Variants in GRM5 observed in about 807,000 individuals in gnomAD.
The protein encoded by GRM5 is metabotropic glutamate receptor 5.
In GRM5, 19 loss-of-function variants were observed where a neutral mutation model predicts 83.1. The observed-to-expected ratio is 0.23, with a 90% CI of 0.16 to 0.34. The LOEUF (loss-of-function observed/expected upper bound fraction) is 0.34. GRM5 is among the 10% of genes least tolerant of loss of function. The pLI, the probability that GRM5 is intolerant of heterozygous loss-of-function variation, is 1.00. For synonymous variants in GRM5, 675 were observed against 633.6 expected, an observed-to-expected ratio of 1.07 and a Z score of -0.98; for missense variants, 1,160 against 1,588.3, an observed-to-expected ratio of 0.73 and a Z score of 4.58.
chr11:88,784,119 C>T (rs942859155), intron 3 of GRM5, among the ~76,000 whole-genome samples: 1 of 151,976 alleles, frequency 6.6e-6, no homozygotes, highest in Non-Finnish European at 1.5e-5. Context: ...CATATTCTGT[C>T]CTCTAGGAAA....
rs200169167 is a variant in GRM5, at chr11:88,874,876, TA to T, written c.662-24722del. The stretch of plus-strand genomic sequence containing the variant: ...ATGAAGTGTGCTATAACATTAGGTT[TA>T]AAAAATGGACATACTTTAATTTTAA... On this transcript the variant is annotated intron_variant, in intron 2 of 9. Transcript: ENST00000305447. Among the ~76,000 whole-genome samples the T allele has an allele frequency of 4.5e-3, 680 of 152,028 alleles. 3 individuals are homozygous for T. Among genetic ancestry groups the T allele is most frequent in the African/African-American group, 0.016 (651 of 41,516 alleles).
intron 3 of GRM5, among the ~76,000 whole-genome samples, chr11:88,790,461 A>G (rs1943151925): frequency 6.6e-6 from 1 of 152,210 alleles, no homozygotes; most frequent in South Asian, 2.1e-4. Flanking sequence ...TTTGGCTGGA[A>G]ATATTTGTTC....
At chr11:88,514,099 T>A (rs1941458844) in intron 9 of GRM5, among the ~76,000 whole-genome samples, 1 of 152,128 alleles carries the variant, frequency 6.6e-6, no homozygotes, top group Non-Finnish European at 1.5e-5. Context: ...AGGGACAAGA[T>A]GAAATGATCT....
intron 1 of GRM5, among the ~76,000 whole-genome samples, chr11:89,055,216 G>T (rs1214023801): frequency 6.6e-6 from 1 of 152,202 alleles, no homozygotes; most frequent in African/African-American, 2.4e-5. Flanking sequence ...ACCTGAATTG[G>T]AATCCTGGCA....
chr11:88,642,641 T>A (rs1939326862), intron 4 of GRM5, among the ~76,000 whole-genome samples: 1 of 152,198 alleles, frequency 6.6e-6, no homozygotes, highest in South Asian at 2.1e-4. Context: ...TGAGGCTACA[T>A]CTTGAACACT....
chr11:88,686,741 C>T lies in GRM5; in HGVS notation c.912-33338G>A, dbSNP rs567362041. On this transcript the variant is annotated intron_variant, in intron 3 of 9. Coordinates refer to ENST00000305447, the MANE Select transcript of GRM5 (RefSeq NM_001143831.3). ...GGGGTTTCCGCTTTTGCATCTTCCT[C>T]ATTTTCTCTTGTGGCTGCCATGTAA... Among the ~76,000 whole-genome samples, 8 of 152,232 alleles carry T rather than the reference C, an allele frequency of 5.3e-5. No individual in the cohort carries two copies. In the East Asian group the frequency reaches 1.4e-3, roughly 26 times the overall value.
chr11:88,803,890 C>G (rs1481593223), intron 3 of GRM5, among the ~76,000 whole-genome samples: 2 of 152,158 alleles, frequency 1.3e-5, no homozygotes, highest in Admixed American at 6.5e-5. Flanking sequence ...TGAACAGATA[C>G]TTCTCAAAAG....
At chr11:88,721,508 C>T (rs963564887) in intron 3 of GRM5, among the ~76,000 whole-genome samples, 1 of 152,112 alleles carries the variant, frequency 6.6e-6, no homozygotes, top group African/African-American at 2.4e-5. Context: ...TCTAATATTA[C>T]AGTTTATAGC....
chr11:88,700,185 G>A (rs1940996031), intron 3 of GRM5, among the ~76,000 whole-genome samples: 1 of 152,146 alleles, frequency 6.6e-6, no homozygotes, highest in African/African-American at 2.4e-5. Flanking sequence ...AAAGACTGGG[G>A]AAAAGGTATA....
intron 3 of GRM5, among the ~76,000 whole-genome samples, chr11:88,714,562 A>G (rs1941358553): frequency 6.6e-6 from 1 of 151,958 alleles, no homozygotes; most frequent in African/African-American, 2.4e-5. Context: ...CAGTCCTCCA[A>G]ATCCCTATAA....
intron 2 of GRM5, among the ~76,000 whole-genome samples, chr11:88,885,743 G>A (rs1262932905): frequency 6.6e-6 from 1 of 152,012 alleles, no homozygotes; most frequent in African/African-American, 2.4e-5. Context: ...CAAGGGTTTG[G>A]GAATCCTCAG....
At position 88,775,391 on chromosome 11, in the gene GRM5, T is replaced by C. The variant is rs1942825763; in HGVS notation, c.911+74515A>G. Reference sequence around the variant, plus strand: ...TTGTTGATCTTTTCAAAAAACCGGCTCCTGCATTCATTGATTTTTTGAAGG... The same window carrying C: ...TTGTTGATCTTTTCAAAAAACCGGCCCCTGCATTCATTGATTTTTTGAAGG... On this transcript the variant is annotated intron_variant, in intron 3 of 9. Coordinates refer to ENST00000305447, the MANE Select transcript of GRM5 (RefSeq NM_001143831.3). Among the ~76,000 whole-genome samples, 5 of 152,328 alleles carry C rather than the reference T, an allele frequency of 3.3e-5. No homozygotes were observed. In the South Asian group the frequency reaches 1.0e-3, roughly 32 times the overall value.
chr11:88,905,943 G>A (rs1461637742), intron 2 of GRM5, among the ~76,000 whole-genome samples: 1 of 152,082 alleles, frequency 6.6e-6, no homozygotes, highest in African/African-American at 2.4e-5. Flanking sequence ...ATATTTTAGA[G>A]AATAAAACAG....
intron 2 of GRM5, among the ~76,000 whole-genome samples, chr11:89,035,842 C>T (rs570205467): frequency 2.0e-5 from 3 of 152,066 alleles, no homozygotes; most frequent in Admixed American, 2.0e-4. Flanking sequence ...TGTAATCTGC[C>T]TATTTCCTAG....
chr11:88,731,912 G>A (rs1047711022), intron 3 of GRM5, among the ~76,000 whole-genome samples: 25 of 152,016 alleles, frequency 1.6e-4, no homozygotes, highest in African/African-American at 5.8e-4. Context: ...TCCAGCTGCA[G>A]GCTGAGCTGA....
At chr11:88,791,248 G>T (rs563588834) in intron 3 of GRM5, among the ~76,000 whole-genome samples, 1 of 152,238 alleles carries the variant, frequency 6.6e-6, no homozygotes, top group East Asian at 1.9e-4. Context: ...GCACTGGCTG[G>T]GTTTGAGATG....
At chr11:88,905,102 G>A (rs1036372209) in intron 2 of GRM5, among the ~76,000 whole-genome samples, 22 of 152,220 alleles carry the variant, frequency 1.4e-4, no homozygotes, top group African/African-American at 5.3e-4. Flanking sequence ...TATAATATAT[G>A]TGTTTATCTT....
intron 4 of GRM5, among the ~76,000 whole-genome samples, chr11:88,618,818 G>A (rs1317176345): frequency 6.6e-6 from 1 of 152,178 alleles, no homozygotes; most frequent in Non-Finnish European, 1.5e-5. Flanking sequence ...ACTTCATTCA[G>A]TAGTATTTAC....
chr11:88,922,671 A>C (rs1277862074), intron 2 of GRM5, among the ~76,000 whole-genome samples: 1 of 152,152 alleles, frequency 6.6e-6, no homozygotes, highest in Non-Finnish European at 1.5e-5. Flanking sequence ...GTTTGGGCAA[A>C]TATTTATTGA....
Sources: gnomAD v4.1 joint callset for allele counts (sites outside exome capture counted in the v4.1 genomes callset) on GRCh38, gnomAD v4.1.1 for gene constraint, MANE v1.5 for transcripts, NCBI Gene and HGNC (gene_info 2026-07-23, HGNC 2026-07-21) for gene names.